The following OSBPL5 variants were observed in gnomAD, a reference collection of about 807,000 sequenced individuals.
OSBPL5 encodes oxysterol-binding protein-related protein 5.
Under a neutral mutation model 111.2 loss-of-function variants are expected in OSBPL5, and 71 were observed. That is an observed-to-expected ratio of 0.64 (90% CI 0.53 to 0.78). The LOEUF is 0.78. Among genes scored for constraint, OSBPL5 ranks in the 30% least tolerant of loss-of-function variants. OSBPL5 has a pLI of 0.00. For missense variants in OSBPL5, 1,210 were observed against 1,189.3 expected, an observed-to-expected ratio of 1.02 and a Z score of -0.26; for synonymous variants, 549 against 513.9, an observed-to-expected ratio of 1.07 and a Z score of -0.93.
In OSBPL5 at chr11:3,105,776, G is replaced by T. The variant is rs887682161; in HGVS notation, c.1060-1399C>A. Among the ~76,000 whole-genome samples the T allele has an allele frequency of 1.2e-4, 19 of 152,148 alleles. No homozygotes were observed. Among genetic ancestry groups the T allele is most frequent in the African/African-American group, 3.1e-4 (13 of 41,414 alleles). ...CGGGCCCCTTGGCTGCCCGCTCCATGCCCTCTGCCCGGAGCCCCAGGCTCG... is the reference window on the plus strand; with the variant it reads ...CGGGCCCCTTGGCTGCCCGCTCCATTCCCTCTGCCCGGAGCCCCAGGCTCG... On this transcript the variant is annotated intron_variant, in intron 9 of 21. Transcript: ENST00000263650. The surrounding 1 kb of genome is among the most constrained non-coding windows in gnomAD (Gnocchi z 5.2).
intron 3 of OSBPL5, among the ~76,000 whole-genome samples, chr11:3,124,933 G>C (rs1858559291): frequency 6.6e-6 from 1 of 152,198 alleles, no homozygotes. Context: ...GGGGAAGAGA[G>C]AGGCAAGACC....
At chr11:3,136,915 T>C (rs1310070809) in intron 1 of OSBPL5, among the ~76,000 whole-genome samples, 3 of 152,208 alleles carry the variant, frequency 2.0e-5, no homozygotes, top group Admixed American at 6.5e-5. Flanking sequence ...CTAAACCAGA[T>C]AGATTCTCGT....
chr11:3,160,672 T>TCCCCCCCCCCCCCCCCCCCCCCCCCC (rs71035491), intron 1 of OSBPL5, among the ~76,000 whole-genome samples: 1 of 122,442 alleles, frequency 8.2e-6, no homozygotes, highest in Non-Finnish European at 1.7e-5. Context: ...ATGACAACCC[T>TCCCCCCCCCCCCCCCCCCCCCCCCCC]CCCCCCCCCC....
At position 3,104,990 on chromosome 11, in the gene OSBPL5, G is replaced by T. The variant is rs774705552; in HGVS notation, c.1060-613C>A. ...CTTCCGAAGCCTGTGTGCCCCTCAC[G>T]AAGGCCCCCTCATCTCTTCCTTTTC... On this transcript the variant is annotated intron_variant, in intron 9 of 21. Coordinates refer to ENST00000263650, the MANE Select transcript of OSBPL5 (RefSeq NM_020896.4). The surrounding 1 kb of genome is among the most constrained non-coding windows in gnomAD (Gnocchi z 5.0). 6.6e-6 allele frequency among the ~76,000 whole-genome samples: 1 copy of T among 152,048 alleles called. No individual in the cohort carries two copies. Among genetic ancestry groups the T allele is most frequent in the Admixed American group, 6.5e-5 (1 of 15,280 alleles).
rs201884402 is a variant in OSBPL5 at position 3,101,715 on chromosome 11, C to T, written c.1426-16G>A. 1.5e-4 allele frequency: 241 copies of T among 1,607,216 alleles called. No homozygotes were observed. The highest frequency in any genetic ancestry group is 2.5e-4 in the South Asian group (23 of 90,952). ...GGTGGGACACCTGCGTGCAGGGAGG[C>T]GGCTCTGTAAACAGCCCCGGAAACA... On this transcript the variant is annotated splice_polypyrimidine_tract_variant and intron_variant, in intron 12 of 21. Coordinates refer to ENST00000263650, the MANE Select transcript of OSBPL5 (RefSeq NM_020896.4).
rs1332864218 is a variant in OSBPL5 at position 3,164,949 on chromosome 11, C to A, written c.-22+267G>T. On this transcript the variant is annotated intron_variant, in intron 1 of 21. Coordinates refer to ENST00000263650, the MANE Select transcript of OSBPL5 (RefSeq NM_020896.4). ...ACTCGCGGGCCCCACCCGCCCCAAC[C>A]CGCCAGGCGCCGACCCGTCCTGGCC... is the stretch of plus-strand genomic sequence containing the variant. Among the ~76,000 whole-genome samples, 6 of 151,782 alleles carry A rather than the reference C, an allele frequency of 4.0e-5. No individual in the cohort carries two copies. In the South Asian group the frequency reaches 1.2e-3, roughly 31 times the overall value.
intron 1 of OSBPL5, among the ~76,000 whole-genome samples, chr11:3,156,614 A>G (rs1846766102): frequency 6.6e-6 from 1 of 152,234 alleles, no homozygotes; most frequent in South Asian, 2.1e-4. Context: ...AGCAAATACA[A>G]GCCAGGTGCC....
chr11:3,164,342 C>G (rs896773521), intron 1 of OSBPL5: 1 of 152,382 alleles, frequency 6.6e-6, no homozygotes, highest in Non-Finnish European at 1.5e-5. Context: ...GGTAAGCCCA[C>G]CCTGTGACCC....
At position 3,120,472 on chromosome 11, in the gene OSBPL5, G is replaced by T; in HGVS notation, c.555C>A (p.Gly185=). 1 of 1,613,348 alleles carries T rather than the reference G, an allele frequency of 6.2e-7. No homozygotes were observed. Among genetic ancestry groups the T allele is most frequent in the Non-Finnish European group, 8.5e-7 (1 of 1,180,040 alleles). ...ELIERPSKKD[G]FCFKLFHPLD... ...GCGGGTGGAAGAGCTTGAAGCAGAA[G>T]CCGTCCTTCTTGGAGGGCCGCTCGA... The change falls in exon 6 of 22, where the codon GGC becomes GGA. Residue 185 remains glycine (G), a synonymous_variant. Transcript: ENST00000263650.
At position 3,161,601 on chromosome 11, in the gene OSBPL5, C is replaced by T. The variant is rs968473986; in HGVS notation, c.-22+3615G>A. ...AGCCCGGAGCAGACTTGCAGGCAAC[C>T]GTGCATGGGGACAGACACCGCGCAC... On this transcript the variant is annotated intron_variant, in intron 1 of 21. Transcript: ENST00000263650. This position sits in a 1 kb window ranked among gnomAD's most constrained non-coding sequence, Gnocchi z 8.0. Among the ~76,000 whole-genome samples the T allele has an allele frequency of 7.2e-5, 11 of 152,202 alleles. No homozygotes were observed. The highest frequency in any genetic ancestry group is 1.3e-4 in the Admixed American group (2 of 15,282).
In OSBPL5 at chr11:3,162,273, C is replaced by T. The variant is rs1188365649; in HGVS notation, c.-22+2943G>A. 2.6e-5 allele frequency among the ~76,000 whole-genome samples: 4 copies of T among 152,022 alleles called. No homozygotes were observed. Among genetic ancestry groups the T allele is most frequent in the Non-Finnish European group, 5.9e-5 (4 of 67,998 alleles). ...GGAGGCCAGCCCTGGAGGGAGTAGC[C>T]GGATGTGAGGTGGGCTGGGAGGCCG... On this transcript the variant is annotated intron_variant, in intron 1 of 21. Transcript: ENST00000263650. The surrounding 1 kb of genome is among the most constrained non-coding windows in gnomAD (Gnocchi z 8.1).
chr11:3,144,412 A>C lies in OSBPL5; in HGVS notation c.-21-15243T>G, dbSNP rs139728121. Among the ~76,000 whole-genome samples, 909 of 152,342 alleles carry C rather than the reference A, an allele frequency of 6.0e-3. 6 individuals are homozygous for C. Among genetic ancestry groups the C allele is most frequent in the Middle Eastern group, 0.02 (6 of 294 alleles). On this transcript the variant is annotated intron_variant, in intron 1 of 21. Coordinates refer to ENST00000263650, the MANE Select transcript of OSBPL5 (RefSeq NM_020896.4). ...TGGGTGACCGATGCTGTTTCTTTAA[A>C]AAACAAAGTGGAATTTCCATAACTC...
Position 3,129,115 on chromosome 11 carries a change from A to G in OSBPL5, c.34T>C (p.Ser12Pro). The change falls in exon 2 of 22, where the codon TCC (serine) becomes CCC (proline). Residue 12 changes from serine to proline, a missense_variant. Ser to Pro is a moderately conservative substitution (Grantham distance 74, BLOSUM62 -1). Transcript: ENST00000263650. ...KEEAFLRRRF[S>P]LCPPSSTPQK... ...GGGGTGGAGGAAGGTGGACACAGGG[A>G]GAAGCGGCGCCGGAGGAAGGCCTCC... The G allele has an allele frequency of 2.0e-6, 3 of 1,510,392 alleles. No homozygotes were observed. The highest frequency in any genetic ancestry group is 1.8e-6 in the Non-Finnish European group (2 of 1,127,808). The allele number at this position is 1,510,392 out of a possible 1,614,324, so 93.6% of individuals were successfully genotyped here.
At chr11:3,097,302 G>T (rs1857308269) in intron 14 of OSBPL5, among the ~76,000 whole-genome samples, 1 of 152,066 alleles carries the variant, frequency 6.6e-6, no homozygotes, top group Non-Finnish European at 1.5e-5. Context: ...CTCTCACATG[G>T]CTACACCCTC....
rs1397044908 is a variant in OSBPL5 at position 3,140,537 on chromosome 11, C to A, written c.-21-11368G>T. Among the ~76,000 whole-genome samples the A allele has an allele frequency of 2.0e-5, 3 of 152,118 alleles. No homozygotes were observed. The highest frequency in any genetic ancestry group is 7.2e-5 in the African/African-American group (3 of 41,420). On this transcript the variant is annotated intron_variant, in intron 1 of 21. Transcript: ENST00000263650. This position sits in a 1 kb window ranked among gnomAD's most constrained non-coding sequence, Gnocchi z 4.5. ...TTCAACACTCCGTGAGCACGCAGGG[C>A]CTCCCCCAGCAGAGAGGGGCACCGA... is the stretch of plus-strand genomic sequence containing the variant.
chr11:3,098,808 AT>A (rs112915657), intron 14 of OSBPL5, among the ~76,000 whole-genome samples: 2,056 of 139,696 alleles, frequency 0.015, 28 homozygotes, highest in African/African-American at 0.041. Context: ...CCCAGCAAAG[AT>A]TTTTTTTTTT....
intron 2 of OSBPL5, 74 bp downstream of exon 2, chr11:3,128,939 G>T (rs76705707): frequency 0.015 from 20,681 of 1,335,416 alleles, 218 homozygotes; most frequent in Middle Eastern, 0.039. Flanking sequence ...GGCACAGAGG[G>T]GTTGGGCCGC....
chr11:3,115,653 C>A lies in OSBPL5; in HGVS notation c.691+3894G>T, dbSNP rs189533913. Among the ~76,000 whole-genome samples, 30 of 152,290 alleles carry A rather than the reference C, an allele frequency of 2.0e-4. 2 individuals are homozygous for A. The highest frequency in any genetic ancestry group is 5.5e-4 in the African/African-American group (23 of 41,564). Reference sequence around the variant, plus strand: ...ATGTCAAAGGCACACTGATGCAAGACTAGCATATGGGCCCCTGTGTCAGAT... The same window carrying A: ...ATGTCAAAGGCACACTGATGCAAGAATAGCATATGGGCCCCTGTGTCAGAT... On this transcript the variant is annotated intron_variant, in intron 7 of 21. Coordinates refer to ENST00000263650, the MANE Select transcript of OSBPL5 (RefSeq NM_020896.4).
In OSBPL5 at chr11:3,122,090, C is replaced by T; in HGVS notation, c.309G>A (p.Lys103=). Residue 103 remains lysine, a synonymous_variant, in exon 5 of 22, where the codon AAG becomes AAA. Transcript: ENST00000263650. ...GCTTCTTCTCCTGCCGGTAGTTCTCCTTCTGCGCCTGGGCCCGGGGCACCC... is the reference window on the plus strand; with the variant it reads ...GCTTCTTCTCCTGCCGGTAGTTCTCTTTCTGCGCCTGGGCCCGGGGCACCC... ...VTKKETLKAQ[K]ENYRQEKKRA... is the part of the protein sequence containing the mutation. 1 of 1,570,532 alleles carries T rather than the reference C, an allele frequency of 6.4e-7. No homozygotes were observed. Among genetic ancestry groups the T allele is most frequent in the Non-Finnish European group, 8.6e-7 (1 of 1,163,292 alleles).
Sources: gnomAD v4.1 joint callset for allele counts (sites outside exome capture counted in the v4.1 genomes callset) on GRCh38, gnomAD v4.1.1 for gene constraint, Gnocchi (gnomAD v3.1) non-coding constraint, MANE v1.5 for transcripts, NCBI Gene and HGNC (gene_info 2026-07-23, HGNC 2026-07-21) for gene names.